PROM2: variants seen among roughly 807,000 people sequenced by gnomAD.
PROM2 encodes the protein prominin-2.
Under a neutral mutation model 110.2 loss-of-function variants are expected in PROM2, and 90 were observed. The ratio of observed to expected loss-of-function variants is 0.82; its 90% CI spans 0.69 to 0.97. PROM2 has a LOEUF of 0.97. Ranked by LOEUF, PROM2 falls within the 50% of genes least tolerant of loss-of-function variation. PROM2 has a pLI of 0.00. For synonymous variants in PROM2, 470 were observed against 467.8 expected (o/e 1.00, Z -0.06); for missense variants, 1,009 against 1,074.8 (o/e 0.94, Z 0.86).
chr2:95,285,329 C>T (rs1677290784), intron 15 of PROM2, among the ~76,000 whole-genome samples: 1 of 152,232 alleles, frequency 6.6e-6, no homozygotes, highest in African/African-American at 2.4e-5. Flanking sequence ...AACCTCTCCC[C>T]CAACCCAACA....
At chr2:95,285,793 C>A in intron 16 of PROM2, 83 bp downstream of exon 16, 1 of 1,360,972 alleles carries the variant, frequency 7.3e-7, no homozygotes, top group Non-Finnish European at 1.0e-6. Context: ...GATGTGAGGG[C>A]AAAGGCAGGG....
In PROM2 at chr2:95,279,142, C is replaced by T. The variant is rs527909480; in HGVS notation, c.1272C>T (p.Tyr424=). The change falls in exon 10 of 24, where the codon TAC becomes TAT. Residue 424 remains tyrosine, a splice_region_variant and synonymous_variant. Coordinates refer to ENST00000317620, the MANE Select transcript of PROM2 (RefSeq NM_001165978.3). ...YLQEVQRYET[Y]RWIVGCVLCS... ...AGGAGGTGCAGAGATACGAGACCTACAGGTGCTGGGCACCGCAGGGTGGGA... is the reference window on the plus strand; with the variant it reads ...AGGAGGTGCAGAGATACGAGACCTATAGGTGCTGGGCACCGCAGGGTGGGA... The T allele has an allele frequency of 5.2e-5, 52 of 992,478 alleles. No homozygotes were observed. The highest frequency in any genetic ancestry group is 1.2e-4 in the East Asian group (2 of 16,334). The allele number at this position is 992,478 out of a possible 1,614,324, so 61.5% of individuals were successfully genotyped here.
At chr2:95,286,380 C>A in intron 16 of PROM2, 99 bp from the exon 17 acceptor site, 1 of 1,051,634 alleles carries the variant, frequency 9.5e-7, no homozygotes, top group Non-Finnish European at 1.4e-6. Context: ...TGCCTCTGAG[C>A]CCAGCACTCC....
rs540976830 is a variant in PROM2 at position 95,277,302 on chromosome 2, C to T, written c.773-62C>T. 19 of 1,519,724 alleles carry T rather than the reference C, an allele frequency of 1.3e-5. No homozygotes were observed. The East Asian group carries it at 3.0e-4, about 24-fold the overall frequency. The allele number at this position is 1,519,724 out of a possible 1,614,324, so 94.1% of individuals were successfully genotyped here. On this transcript the variant is annotated intron_variant, in intron 6 of 23. Coordinates refer to ENST00000317620, the MANE Select transcript of PROM2 (RefSeq NM_001165978.3). ...TGGCTGGGGGAGGGGAGTTCTGCCT[C>T]CTGCAAGGCGTCTGGGGATGCATAT... is the stretch of plus-strand genomic sequence containing the variant.
rs1200820205 is a variant in PROM2, at chr2:95,276,973, T to G, written c.684T>G (p.Gly228=). ...TGCAGACTGCCCTGTGCTCTGCAGG[T>G]GTTGGTGTGAGCATTGGGAGCGCGA... ...PQEQVSEELD[G]VGVSIGSAIH... Residue 228 remains glycine (G), a splice_region_variant and synonymous_variant, in exon 6 of 24, where the codon GGT becomes GGG. Coordinates refer to ENST00000317620, the MANE Select transcript of PROM2 (RefSeq NM_001165978.3). The surrounding 1 kb of genome is among the most constrained non-coding windows in gnomAD (Gnocchi z 4.6). 1.9e-6 allele frequency: 3 copies of G among 1,551,580 alleles called. No individual in the cohort carries two copies. The highest frequency in any genetic ancestry group is 4.9e-5 in the East Asian group (2 of 41,020).
Position 95,275,490 on chromosome 2 carries a change from G to C in PROM2, c.274G>C (p.Ala92Pro), listed in dbSNP as rs1472558423. ...ELVKALLNELASVKVNEVVRY... is the reference protein window; with the variant it reads ...ELVKALLNELPSVKVNEVVRY... ...GGTAAAGGCCCTACTGAATGAGCTG[G>C]CCTCCGTGAAGGTGAATGAGGTGAG... Residue 92 changes from alanine (A) to proline (P), a missense_variant, in exon 2 of 24, where the codon GCC (alanine) becomes CCC (proline). Ala to Pro is a conservative substitution (Grantham distance 27). Transcript: ENST00000317620. The surrounding 1 kb of genome is among the most constrained non-coding windows in gnomAD (Gnocchi z 4.4). 3 of 1,613,872 alleles carry C rather than the reference G, an allele frequency of 1.9e-6. No individual in the cohort carries two copies. Among genetic ancestry groups the C allele is most frequent in the Non-Finnish European group, 2.5e-6 (3 of 1,179,878 alleles).
At chr2:95,285,259 C>T in intron 15 of PROM2, 144 bp downstream of exon 15, 2 of 1,018,100 alleles carry the variant, frequency 2.0e-6, no homozygotes, top group East Asian at 2.6e-5. Context: ...GGAGGTGTCC[C>T]CAGATCATGT....
At chr2:95,287,842 A>T (rs1167924812) in intron 20 of PROM2, among the ~76,000 whole-genome samples, 1 of 152,170 alleles carries the variant, frequency 6.6e-6, no homozygotes, top group Non-Finnish European at 1.5e-5. Context: ...TGCCCACACT[A>T]GGGCAACAGT....
rs753725815 is a variant in PROM2, at chr2:95,276,374, T to G, written c.618+27T>G. The G allele has an allele frequency of 6.2e-7, 1 of 1,610,344 alleles. No homozygotes were observed. The highest frequency in any genetic ancestry group is 8.5e-7 in the Non-Finnish European group (1 of 1,178,248). The stretch of plus-strand genomic sequence containing the variant: ...TGAGCACTGTTACCCCTCACCCTCA[T>G]GTGCCCCTGTGAGCACTGGGCCCGG... On this transcript the variant is annotated intron_variant, in intron 4 of 23. Transcript: ENST00000317620. This position sits in a 1 kb window ranked among gnomAD's most constrained non-coding sequence, Gnocchi z 4.6.
intron 1 of PROM2, 41 bp downstream of exon 1, chr2:95,274,870 TC>T: frequency 1.3e-6 from 2 of 1,488,884 alleles, no homozygotes; most frequent in South Asian, 1.3e-5. Flanking sequence ...AGCATTTGGG[TC>T]CCCAGCCCGG....
chr2:95,278,085 A>C, intron 8 of PROM2, 81 bp downstream of exon 8: 2 of 1,239,816 alleles, frequency 1.6e-6, no homozygotes. Flanking sequence ...GCAGGAACCC[A>C]GTTGAACCTA....
chr2:95,274,921 A>G, intron 1 of PROM2, 92 bp downstream of exon 1: 1 of 1,403,738 alleles, frequency 7.1e-7, no homozygotes, highest in Non-Finnish European at 9.3e-7. Flanking sequence ...TGCCCAACCT[A>G]CAAGCAGGCA....
At position 95,288,314 on chromosome 2, in the gene PROM2, C is replaced by A; in HGVS notation, c.2334+14C>A. On this transcript the variant is annotated intron_variant, in intron 21 of 23. Transcript: ENST00000317620. The stretch of plus-strand genomic sequence containing the variant: ...GCTGACCCCTGGGTGAGTGCCCCAG[C>A]TCATCGGGGCTTGTTCACCAAGTCC... 1.2e-6 allele frequency: 2 copies of A among 1,613,410 alleles called. No individual in the cohort carries two copies. The highest frequency in any genetic ancestry group is 1.7e-6 in the Non-Finnish European group (2 of 1,179,470).
intron 16 of PROM2, among the ~76,000 whole-genome samples, chr2:95,286,197 C>G (rs1283210235): frequency 6.6e-6 from 1 of 152,192 alleles, no homozygotes; most frequent in Non-Finnish European, 1.5e-5. Context: ...CACAACAACC[C>G]CACAGGGTGG....
chr2:95,289,123 G>A, intron 23 of PROM2, 101 bp from the exon 24 acceptor site: 2 of 815,900 alleles, frequency 2.5e-6, no homozygotes, highest in African/African-American at 1.7e-5. Flanking sequence ...TTGGGGACAT[G>A]GTGGAGTCTG....
rs375278971 is a variant in PROM2, at chr2:95,288,463, G to A, written c.2335-20G>A. ...TGGGTGCCACGTGGGTTGGTGAGCC[G>A]ACCTCACGCCTTGTTGCAGAATGCC... is the stretch of plus-strand genomic sequence containing the variant. On this transcript the variant is annotated intron_variant, in intron 21 of 23. Transcript: ENST00000317620. The A allele has an allele frequency of 5.6e-6, 9 of 1,611,048 alleles. No individual in the cohort carries two copies. Among genetic ancestry groups the A allele is most frequent in the East Asian group, 2.2e-5 (1 of 44,870 alleles).
Position 95,276,265 on chromosome 2 carries a change from C to T in PROM2, c.536C>T (p.Thr179Met), listed in dbSNP as rs142270551. ...TGTGCCTTTGTCACCAACCAGCGCA[C>T]GCATGAACAGATGGGCCCCAGCATC... ...VVCAFVTNQR[T>M]HEQMGPSIEA... The change falls in exon 4 of 24, where the codon ACG becomes ATG. Residue 179 changes from threonine (T) to methionine (M), a missense_variant. Coordinates refer to ENST00000317620, the MANE Select transcript of PROM2 (RefSeq NM_001165978.3). This position sits in a 1 kb window ranked among gnomAD's most constrained non-coding sequence, Gnocchi z 4.6. The T allele has an allele frequency of 5.6e-5, 90 of 1,613,942 alleles. No homozygotes were observed. The highest frequency in any genetic ancestry group is 1.6e-4 in the Middle Eastern group (1 of 6,062).
chr2:95,276,051 G>T lies in PROM2; in HGVS notation c.416G>T (p.Arg139Leu), dbSNP rs749543392. The T allele has an allele frequency of 1.9e-6, 3 of 1,611,220 alleles. No individual in the cohort carries two copies. The Admixed American group carries it at 5.0e-5, about 27-fold the overall frequency. Reference sequence around the variant, plus strand: ...CGCTGCCACCGGCGCTGCGGGGGACGAGTGAAGACAGAGCACAAGGCGCTG... The same window carrying T: ...CGCTGCCACCGGCGCTGCGGGGGACTAGTGAAGACAGAGCACAAGGCGCTG... ...CCRCHRRCGGRVKTEHKALAC... is the reference protein window; with the variant it reads ...CCRCHRRCGGLVKTEHKALAC... The change falls in exon 3 of 24, where the codon CGA (arginine) becomes CTA (leucine). Residue 139 changes from arginine to leucine, a missense_variant. Coordinates refer to ENST00000317620, the MANE Select transcript of PROM2 (RefSeq NM_001165978.3). This position sits in a 1 kb window ranked among gnomAD's most constrained non-coding sequence, Gnocchi z 4.6.
chr2:95,278,272 G>C, intron 8 of PROM2: 1 of 567,164 alleles, frequency 1.8e-6, no homozygotes. Flanking sequence ...CGGCTCCCCT[G>C]GGTGGAGATG....
Sources: allele counts gnomAD v4.1 joint callset (sites outside exome capture counted in the v4.1 genomes callset), GRCh38; gene constraint gnomAD v4.1.1; non-coding constraint Gnocchi (gnomAD v3.1); transcripts MANE v1.5; gene names NCBI Gene and HGNC (gene_info 2026-07-23, HGNC 2026-07-21).